Variants in MCTP1 observed in about 807,000 individuals in gnomAD.
MCTP1 encodes the protein multiple C2 and transmembrane domain-containing protein 1.
In MCTP1, 69 loss-of-function variants were observed where a neutral mutation model predicts 120.6. The observed-to-expected ratio is 0.57, with a 90% CI of 0.47 to 0.70. The LOEUF is 0.70. Ranked by LOEUF, MCTP1 falls within the 30% of genes least tolerant of loss-of-function variation. MCTP1 has a pLI of 0.00. For missense variants in MCTP1, 1,203 were observed against 1,248.8 expected (o/e 0.96, Z 0.55); for synonymous variants, 529 against 493.1 (o/e 1.07, Z -0.96).
intron 1 of MCTP1, among the ~76,000 whole-genome samples, chr5:95,139,678 A>G (rs1034881129): frequency 1.3e-5 from 2 of 152,248 alleles, no homozygotes; most frequent in African/African-American, 4.8e-5. Context: ...CCAAGAACAC[A>G]TCTAACTCTA....
intron 1 of MCTP1, among the ~76,000 whole-genome samples, chr5:95,038,443 T>C (rs746107804): frequency 3.3e-5 from 5 of 152,168 alleles, no homozygotes; most frequent in Non-Finnish European, 7.3e-5. Context: ...CAGACAAATC[T>C]ATAGTGCAGA....
chr5:95,022,182 A>C (rs1342509939), intron 1 of MCTP1, among the ~76,000 whole-genome samples: 1 of 152,210 alleles, frequency 6.6e-6, no homozygotes, highest in Admixed American at 6.5e-5. Flanking sequence ...CTCCCATGAT[A>C]TATTAGGTTG....
intron 1 of MCTP1, among the ~76,000 whole-genome samples, chr5:95,132,109 C>T (rs901465457): frequency 5.3e-5 from 8 of 152,106 alleles, no homozygotes; most frequent in African/African-American, 1.9e-4. Context: ...TCAAGTCAAA[C>T]CCATCCTGAA....
chr5:94,889,217 T>C (rs1801991453), intron 11 of MCTP1, among the ~76,000 whole-genome samples: 1 of 152,170 alleles, frequency 6.6e-6, no homozygotes, highest in South Asian at 2.1e-4. Flanking sequence ...ACTTATGCAA[T>C]TCTACATAAG....
intron 17 of MCTP1, among the ~76,000 whole-genome samples, chr5:94,839,866 T>C (rs915446826): frequency 2.0e-5 from 3 of 152,206 alleles, no homozygotes; most frequent in African/African-American, 7.2e-5. Flanking sequence ...ATGATGACAT[T>C]TGCACACTGC....
At chr5:95,073,768 A>G (rs976005835) in intron 1 of MCTP1, among the ~76,000 whole-genome samples, 38 of 152,228 alleles carry the variant, frequency 2.5e-4, no homozygotes, top group Admixed American at 8.5e-4. Context: ...TCCTTGAAGC[A>G]TTCTTGGTGC....
intron 1 of MCTP1, among the ~76,000 whole-genome samples, chr5:95,167,744 G>T (rs1313995755): frequency 2.0e-5 from 3 of 152,144 alleles, no homozygotes; most frequent in African/African-American, 7.2e-5. Flanking sequence ...TTGCCCACTT[G>T]TAGATGGGGT....
At chr5:94,797,508 G>A (rs1780351147) in intron 18 of MCTP1, among the ~76,000 whole-genome samples, 1 of 152,066 alleles carries the variant, frequency 6.6e-6, no homozygotes, top group Non-Finnish European at 1.5e-5. Flanking sequence ...GTACCTATTA[G>A]TCCCCATGAC....
chr5:95,115,065 C>A (rs547477953), intron 1 of MCTP1, among the ~76,000 whole-genome samples: 32 of 152,318 alleles, frequency 2.1e-4, no homozygotes, highest in African/African-American at 7.2e-4. Context: ...CACAGAATTA[C>A]TGGACTTGGA....
chr5:95,099,389 T>C (rs1490775077), intron 1 of MCTP1, among the ~76,000 whole-genome samples: 1 of 150,930 alleles, frequency 6.6e-6, no homozygotes, highest in African/African-American at 2.4e-5. Context: ...AAAGGGCTAA[T>C]AGCCAGAATC....
chr5:95,251,532 A>G (rs749995833), intron 1 of MCTP1, among the ~76,000 whole-genome samples: 25 of 152,186 alleles, frequency 1.6e-4, no homozygotes, highest in Non-Finnish European at 2.8e-4. Context: ...ATTTAGGGAA[A>G]GTAACTCCAT....
chr5:95,155,014 T>C (rs1744951135), intron 1 of MCTP1, among the ~76,000 whole-genome samples: 1 of 152,186 alleles, frequency 6.6e-6, no homozygotes, highest in African/African-American at 2.4e-5. Flanking sequence ...TAAGCCTGTA[T>C]AATTTTATAA....
intron 1 of MCTP1, among the ~76,000 whole-genome samples, chr5:95,228,784 T>C (rs1227202945): frequency 1.3e-5 from 2 of 152,104 alleles, no homozygotes; most frequent in Non-Finnish European, 2.9e-5. Flanking sequence ...TGGTTAAAAG[T>C]GTGTAGCACC....
intron 1 of MCTP1, among the ~76,000 whole-genome samples, chr5:95,021,821 A>G (rs1838247489): frequency 6.6e-6 from 1 of 152,110 alleles, no homozygotes; most frequent in Admixed American, 6.6e-5. Context: ...TGGTGAAAAC[A>G]GTGAACATTT....
At chr5:94,742,188 G>A (rs973927713) in intron 19 of MCTP1, among the ~76,000 whole-genome samples, 5 of 152,054 alleles carry the variant, frequency 3.3e-5, no homozygotes, top group Non-Finnish European at 2.9e-5. Context: ...AAGTGAAAAA[G>A]AATGTATGTT....
intron 1 of MCTP1, among the ~76,000 whole-genome samples, chr5:95,069,327 G>A (rs1751505369): frequency 6.6e-6 from 1 of 152,070 alleles, no homozygotes; most frequent in African/African-American, 2.4e-5. Context: ...TTTTCATTGG[G>A]GTCTTTCATG....
chr5:95,028,172 T>C (rs1047907665), intron 1 of MCTP1, among the ~76,000 whole-genome samples: 1 of 152,164 alleles, frequency 6.6e-6, no homozygotes, highest in African/African-American at 2.4e-5. Context: ...TCATTCAAAA[T>C]AGGATACTTT....
At chr5:94,999,540 T>C (rs1464138112) in intron 2 of MCTP1, among the ~76,000 whole-genome samples, 1 of 152,226 alleles carries the variant, frequency 6.6e-6, no homozygotes, top group African/African-American at 2.4e-5. Context: ...TCAGATATTA[T>C]AGACAGAACT....
intron 2 of MCTP1, among the ~76,000 whole-genome samples, chr5:95,003,262 T>G (rs1834078124): frequency 6.6e-6 from 1 of 152,176 alleles, no homozygotes; most frequent in Non-Finnish European, 1.5e-5. Flanking sequence ...TATATCATAT[T>G]TCTACTGTAC....
Sources: allele counts gnomAD v4.1 joint callset (sites outside exome capture counted in the v4.1 genomes callset), GRCh38; gene constraint gnomAD v4.1.1; transcripts MANE v1.5; gene names NCBI Gene and HGNC (gene_info 2026-07-23, HGNC 2026-07-21).